Variants in TMPRSS4 observed in about 807,000 individuals in gnomAD.
TMPRSS4 encodes transmembrane protease serine 4.
Under a neutral mutation model 56.4 loss-of-function variants are expected in TMPRSS4, and 45 were observed. The ratio of observed to expected loss-of-function variants is 0.80; its 90% CI spans 0.63 to 1.02. The LOEUF is 1.02. Among genes scored for constraint, TMPRSS4 ranks in the 50% least tolerant of loss-of-function variants. TMPRSS4 has a pLI of 0.00. For missense variants in TMPRSS4, 546 were observed against 556.7 expected, an observed-to-expected ratio of 0.98 and a Z score of 0.19; for synonymous variants, 205 against 211.0, an observed-to-expected ratio of 0.97 and a Z score of 0.25.
In TMPRSS4 at chr11:118,105,222, TCGTTAGTTA is replaced by T; in HGVS notation, c.440+403_440+411del. 2.0e-5 allele frequency among the ~76,000 whole-genome samples: 3 copies of T among 152,278 alleles called. No individual in the cohort carries two copies. In the South Asian group the frequency reaches 6.2e-4, roughly 32 times the overall value. On this transcript the variant is annotated intron_variant, in intron 5 of 12. Coordinates refer to ENST00000437212, the MANE Select transcript of TMPRSS4 (RefSeq NM_019894.4). ...AAGCTAAGTTAACTTATTCAAAGTTTCGTTAGTTAAGATTTAGCTTAAGTGAGCCTAGTT... is the reference window on the plus strand; with the variant it reads ...AAGCTAAGTTAACTTATTCAAAGTTTAGATTTAGCTTAAGTGAGCCTAGTT...
intron 7 of TMPRSS4, 47 bp from the exon 8 acceptor site, chr11:118,111,694 C>A: frequency 6.7e-7 from 1 of 1,500,090 alleles, no homozygotes; most frequent in Admixed American, 2.4e-5. Flanking sequence ...AGCCTCATCC[C>A]CAACAGCCTG....
chr11:118,103,337 C>G, intron 4 of TMPRSS4, 84 bp downstream of exon 4: 14 of 1,484,728 alleles, frequency 9.4e-6, no homozygotes, highest in Non-Finnish European at 1.3e-5. Flanking sequence ...ATAGTATCTG[C>G]CCCCTACTTG....
chr11:118,100,151 C>T lies in TMPRSS4; in HGVS notation c.157+1053C>T, dbSNP rs563586311. Among the ~76,000 whole-genome samples the T allele has an allele frequency of 7.9e-5, 12 of 152,238 alleles. No individual in the cohort carries two copies. In the South Asian group the frequency reaches 1.2e-3, roughly 16 times the overall value. Reference sequence around the variant, plus strand: ...TTCACTGCCTCATACCCTCAGTCTCCGCACCTGTAAAATGTCCTTCCTCCC... The same window carrying T: ...TTCACTGCCTCATACCCTCAGTCTCTGCACCTGTAAAATGTCCTTCCTCCC... On this transcript the variant is annotated intron_variant, in intron 3 of 12. Coordinates refer to ENST00000437212, the MANE Select transcript of TMPRSS4 (RefSeq NM_019894.4).
chr11:118,117,315 G>T lies in TMPRSS4; in HGVS notation c.1163G>T (p.Gly388Val). 6.2e-7 allele frequency: 1 copy of T among 1,614,124 alleles called. No individual in the cohort carries two copies. The highest frequency in any genetic ancestry group is 8.5e-7 in the Non-Finnish European group (1 of 1,180,018). The change falls in exon 12 of 13, where the codon GGT becomes GTT. Residue 388 changes from glycine (G) to valine (V), a missense_variant. Gly to Val is a moderately radical substitution (Grantham distance 109). Transcript: ENST00000437212. ...GGVDTCQGDS[G>V]GPLMYQSDQW... ...TCTGGTCTCTCACAGGGTGACAGTG[G>T]TGGGCCCCTGATGTACCAATCTGAC...
chr11:118,115,161 C>T lies in TMPRSS4; in HGVS notation c.1033C>T (p.Gln345Ter). ...NGGKMSDILL[Q>*]ASVQVIDSTR... ...AGGGAAGATGTCTGACATACTGCTG[C>T]AGGCGTCAGTCCAGGTCATTGACAG... Residue 345 changes from glutamine to a stop codon, truncating the protein, a stop_gained, in exon 11 of 13, where the codon CAG becomes TAG. Transcript: ENST00000437212. LOFTEE classifies it high-confidence loss of function. 2 of 1,611,848 alleles carry T rather than the reference C, an allele frequency of 1.2e-6. No homozygotes were observed.
intron 1 of TMPRSS4, among the ~76,000 whole-genome samples, chr11:118,092,389 C>T (rs1356834838): frequency 1.3e-5 from 2 of 152,184 alleles, no homozygotes; most frequent in African/African-American, 4.8e-5. Context: ...AGCCAGTGAG[C>T]CAGGAATGCT....
At chr11:118,122,654 A>T (rs1183784973), downstream of TMPRSS4, among the ~76,000 whole-genome samples, 2 of 152,264 alleles carry the variant, frequency 1.3e-5, no homozygotes, top group Non-Finnish European at 2.9e-5. Context: ...TCCAGGTAAC[A>T]GGGTGGCTCC....
chr11:118,083,347 C>T (rs1478051955), intron 1 of TMPRSS4, among the ~76,000 whole-genome samples: 3 of 152,238 alleles, frequency 2.0e-5, no homozygotes. Flanking sequence ...GTTCCACCCT[C>T]TCTTCCGAGA....
At chr11:118,111,925 C>T in intron 8 of TMPRSS4, 25 bp downstream of exon 8, 4 of 1,593,870 alleles carry the variant, frequency 2.5e-6, no homozygotes, top group Non-Finnish European at 3.4e-6. Flanking sequence ...GTAAGGAGGT[C>T]TCTGGGGACC....
At chr11:118,104,092 G>A (rs1259370021) in intron 4 of TMPRSS4, among the ~76,000 whole-genome samples, 2 of 152,068 alleles carry the variant, frequency 1.3e-5, no homozygotes, top group African/African-American at 4.8e-5. Flanking sequence ...TGGTGCTTGG[G>A]CTCTGAAGAA....
At chr11:118,082,262 T>A (rs138284445) in intron 1 of TMPRSS4, among the ~76,000 whole-genome samples, 38 of 152,220 alleles carry the variant, frequency 2.5e-4, no homozygotes, top group African/African-American at 8.9e-4. Flanking sequence ...ATTCTACAGA[T>A]GAAGAAATTG....
Position 118,111,829 on chromosome 11 carries a change from C to T in TMPRSS4, c.672C>T (p.Tyr224=), listed in dbSNP as rs755435450. 3.5e-5 allele frequency: 56 copies of T among 1,606,790 alleles called. 1 individual carries two copies. The South Asian group carries it at 4.0e-4, about 12-fold the overall frequency. The change falls in exon 8 of 13, where the codon TAC becomes TAT. Residue 224 remains tyrosine (Y), a synonymous_variant. Transcript: ENST00000437212. ...DSWPWQVSIQ[Y]DKQHVCGGSI... ...GGCCTTGGCAGGTCAGCATCCAGTA[C>T]GACAAACAGCACGTCTGTGGAGGGA... is the stretch of plus-strand genomic sequence containing the variant.
At chr11:118,078,605 C>A (rs1043382293) in intron 1 of TMPRSS4, among the ~76,000 whole-genome samples, 1 of 152,150 alleles carries the variant, frequency 6.6e-6, no homozygotes, top group Non-Finnish European at 1.5e-5. Context: ...GACGCTGTAT[C>A]CCCTGGGGCT....
chr11:118,080,417 C>A (rs1264006585), intron 1 of TMPRSS4, among the ~76,000 whole-genome samples: 1 of 152,174 alleles, frequency 6.6e-6, no homozygotes, highest in African/African-American at 2.4e-5. Flanking sequence ...GGAGCTGCAC[C>A]TGCCGAGGTG....
chr11:118,094,331 A>G (rs1382846009), intron 1 of TMPRSS4, among the ~76,000 whole-genome samples: 1 of 152,228 alleles, frequency 6.6e-6, no homozygotes, highest in Non-Finnish European at 1.5e-5. Flanking sequence ...AATTTTAGCC[A>G]TTTAGTATTT....
intron 1 of TMPRSS4, among the ~76,000 whole-genome samples, chr11:118,080,215 G>A (rs1347254388): frequency 6.6e-6 from 1 of 152,172 alleles, no homozygotes; most frequent in Non-Finnish European, 1.5e-5. Context: ...TAGGGAAGTC[G>A]GGAAATTGTC....
At position 118,115,169 on chromosome 11, in the gene TMPRSS4, A is replaced by C. The variant is rs1317510730; in HGVS notation, c.1041A>C (p.Ser347=). The change falls in exon 11 of 13, where the codon TCA becomes TCC. Residue 347 remains serine, a synonymous_variant. Transcript: ENST00000437212. ...TGTCTGACATACTGCTGCAGGCGTC[A>C]GTCCAGGTCATTGACAGCACACGGT... ...GKMSDILLQA[S]VQVIDSTRCN... The C allele has an allele frequency of 1.2e-6, 2 of 1,612,352 alleles. No individual in the cohort carries two copies. The highest frequency in any genetic ancestry group is 1.7e-6 in the Non-Finnish European group (2 of 1,179,568).
At chr11:118,111,283 C>T (rs913477532) in intron 7 of TMPRSS4, among the ~76,000 whole-genome samples, 8 of 152,030 alleles carry the variant, frequency 5.3e-5, no homozygotes, top group Admixed American at 2.6e-4. Context: ...CTCCCCTGGC[C>T]GGGGAAACAG....
chr11:118,103,288 C>T (rs975273344), intron 4 of TMPRSS4, 35 bp downstream of exon 4: 7 of 1,599,720 alleles, frequency 4.4e-6, no homozygotes, highest in African/African-American at 4.0e-5. Flanking sequence ...GAGAAGTGGG[C>T]CCAGCAGGAG....
Sources: allele counts gnomAD v4.1 joint callset (sites outside exome capture counted in the v4.1 genomes callset), GRCh38; gene constraint gnomAD v4.1.1; transcripts MANE v1.5; gene names NCBI Gene and HGNC (gene_info 2026-07-23, HGNC 2026-07-21).